Variants in GRB10 observed in about 807,000 individuals in gnomAD.
GRB10 encodes growth factor receptor-bound protein 10.
GRB10 carries 20 observed loss-of-function variants against 80.9 expected under a neutral mutation model. The ratio of observed to expected loss-of-function variants is 0.25; its 90% confidence interval spans 0.17 to 0.36. GRB10 has a LOEUF of 0.36. GRB10 is among the 10% of genes least tolerant of loss of function. The pLI, the probability that GRB10 is intolerant of heterozygous loss-of-function variation, is 1.00. For missense variants in GRB10, 548 were observed against 747.7 expected (o/e 0.73, Z 3.12); for synonymous variants, 291 against 291.5 (o/e 1.00, Z 0.02).
At position 50,614,667 on chromosome 7, in the gene GRB10, G is replaced by A. The variant is rs190818833; in HGVS notation, c.1095+103C>T. 3.5e-3 allele frequency: 2,828 copies of A among 804,270 alleles called. 69 individuals are homozygous for A. The highest frequency in any genetic ancestry group is 8.8e-4 in the Non-Finnish European group (395 of 448,650). The allele number at this position is 804,270 out of a possible 1,614,324, so 49.8% of individuals were successfully genotyped here. On this transcript the variant is annotated intron_variant, in intron 12 of 18. Transcript: ENST00000401949. The stretch of plus-strand genomic sequence containing the variant: ...AAATCCAGTGTGAAACTATGTTTCT[G>A]TTGAAGACAATAGAAGCAACAATCA...
intron 4 of GRB10, among the ~76,000 whole-genome samples, chr7:50,716,790 G>A (rs950358334): frequency 6.6e-6 from 1 of 152,212 alleles, no homozygotes; most frequent in Non-Finnish European, 1.5e-5. Flanking sequence ...CTCGCCCAAC[G>A]GCTGGCGTGG....
intron 3 of GRB10, among the ~76,000 whole-genome samples, chr7:50,734,465 C>T (rs77674927): frequency 6.6e-6 from 1 of 151,680 alleles, no homozygotes. Context: ...CCACACCCCC[C>T]ACGCACGCCG....
chr7:50,704,409 A>C (rs1462834380), intron 4 of GRB10, among the ~76,000 whole-genome samples: 1 of 152,208 alleles, frequency 6.6e-6, no homozygotes, highest in Non-Finnish European at 1.5e-5. Flanking sequence ...GCAAAATGTA[A>C]AACAGCAATA....
intron 4 of GRB10, among the ~76,000 whole-genome samples, chr7:50,718,099 G>A (rs1454561411): frequency 6.6e-6 from 1 of 152,222 alleles, no homozygotes; most frequent in Non-Finnish European, 1.5e-5. Flanking sequence ...ACAAAGAGGG[G>A]ACAGGGGATT....
intron 7 of GRB10, among the ~76,000 whole-genome samples, chr7:50,651,864 C>T (rs35275087): frequency 0.014 from 2,201 of 152,366 alleles, 31 homozygotes; most frequent in Non-Finnish European, 0.021. Flanking sequence ...AGAAGGTAAT[C>T]TGTCAGCATT....
intron 4 of GRB10, among the ~76,000 whole-genome samples, chr7:50,713,786 T>C (rs1174813856): frequency 6.8e-5 from 9 of 132,848 alleles, no homozygotes; most frequent in Non-Finnish European, 1.1e-4. Context: ...ACCTCCTCCA[T>C]CTCCTCTACC....
At chr7:50,664,719 G>A (rs1030637951) in intron 7 of GRB10, among the ~76,000 whole-genome samples, 2 of 152,128 alleles carry the variant, frequency 1.3e-5, no homozygotes, top group African/African-American at 4.8e-5. Context: ...GAGACCCAGT[G>A]GCACCAACTA....
intron 17 of GRB10, among the ~76,000 whole-genome samples, chr7:50,602,936 A>G (rs1170764169): frequency 6.6e-6 from 1 of 152,120 alleles, no homozygotes; most frequent in Non-Finnish European, 1.5e-5. Flanking sequence ...GGGAAAAGAG[A>G]GATGAAGAGG....
chr7:50,746,803 G>C (rs2072995396), intron 3 of GRB10, among the ~76,000 whole-genome samples: 1 of 152,030 alleles, frequency 6.6e-6, no homozygotes, highest in African/African-American at 2.4e-5. Flanking sequence ...CGGGCCTCCA[G>C]TCCCCAGGGC....
chr7:50,769,886 G>A (rs1415342879), intron 2 of GRB10, among the ~76,000 whole-genome samples: 3 of 152,004 alleles, frequency 2.0e-5, no homozygotes, highest in Non-Finnish European at 4.4e-5. Context: ...GTGGATGATC[G>A]AATGACGTTG....
intron 7 of GRB10, among the ~76,000 whole-genome samples, chr7:50,668,025 G>T (rs2059985847): frequency 6.6e-6 from 1 of 152,212 alleles, no homozygotes; most frequent in African/African-American, 2.4e-5. Flanking sequence ...GAAGCAGAAG[G>T]TCACCAGCGA....
chr7:50,698,127 C>A (rs1266879150), intron 5 of GRB10, among the ~76,000 whole-genome samples: 1 of 152,122 alleles, frequency 6.6e-6, no homozygotes, highest in Non-Finnish European at 1.5e-5. Context: ...ATGTTCTTTG[C>A]CAGTTTTTCT....
intron 1 of GRB10, among the ~76,000 whole-genome samples, chr7:50,791,419 T>C (rs2153717693): frequency 6.6e-6 from 1 of 152,180 alleles, no homozygotes; most frequent in Non-Finnish European, 1.5e-5. Context: ...CTTTCAGAAG[T>C]GGATGTACTT....
At chr7:50,661,136 G>A (rs746127960) in intron 7 of GRB10, among the ~76,000 whole-genome samples, 6 of 152,228 alleles carry the variant, frequency 3.9e-5, no homozygotes, top group Non-Finnish European at 7.3e-5. Context: ...CATTCTCTCC[G>A]TGCAATACAT....
rs527463832 is a variant in GRB10 at position 50,782,804 on chromosome 7, G to A, written c.-707C>T. 3 of 152,206 alleles carry A rather than the reference G, an allele frequency of 2.0e-5. No homozygotes were observed. The highest frequency in any genetic ancestry group is 2.9e-5 in the Non-Finnish European group (2 of 67,988). The allele number at this position is 152,206 out of a possible 1,614,324, so 9.4% of individuals were successfully genotyped here. A position where few individuals can be genotyped will look rare whatever the true frequency, so the allele number is the denominator to read the frequency against. ...CCCTCCGCGGAGCCGGCTGCCGCCC[G>A]GCTGCAATACTCAGCCTCCGAGGGA... is the stretch of plus-strand genomic sequence containing the variant. On this transcript the variant is annotated 5_prime_UTR_variant, in exon 1 of 19. Transcript: ENST00000401949. This position sits in a 1 kb window ranked among gnomAD's most constrained non-coding sequence, Gnocchi z 6.6.
In GRB10 at chr7:50,770,076, A is replaced by T. The variant is rs536664987; in HGVS notation, c.-217+10551T>A. Among the ~76,000 whole-genome samples the T allele has an allele frequency of 1.8e-3, 281 of 152,256 alleles. 1 individual carries two copies. The highest frequency in any genetic ancestry group is 3.4e-3 in the Middle Eastern group (1 of 294). On this transcript the variant is annotated intron_variant, in intron 2 of 18. Coordinates refer to ENST00000401949, the MANE Select transcript of GRB10 (RefSeq NM_001350814.2). The stretch of plus-strand genomic sequence containing the variant: ...TTGTGCATCACAGCCCCCACACTCA[A>T]GCTGTGCCAAGCTTCCCAAGAGTCC...
At chr7:50,658,933 C>A (rs1438563324) in intron 7 of GRB10, among the ~76,000 whole-genome samples, 6 of 152,182 alleles carry the variant, frequency 3.9e-5, no homozygotes, top group African/African-American at 1.4e-4. Context: ...GCAGGGGCTG[C>A]GGTCCCTAGA....
In GRB10 at chr7:50,616,217, GTT is replaced by G; in HGVS notation, c.975_976del (p.Thr326PhefsTer46). The G allele has an allele frequency of 6.2e-7, 1 of 1,614,206 alleles. No homozygotes were observed. The highest frequency in any genetic ancestry group is 8.5e-7 in the Non-Finnish European group (1 of 1,180,038). On this transcript the variant is annotated frameshift_variant, in exon 11 of 19. Coordinates refer to ENST00000401949, the MANE Select transcript of GRB10 (RefSeq NM_001350814.2). LOFTEE classifies it high-confidence loss of function. ...GTAGCTTTTAAAGCTCACCTTTGAAGTTCCCTTGGTGGAGCAATAAAGGCCAG... is the reference window on the plus strand; with the variant it reads ...GTAGCTTTTAAAGCTCACCTTTGAAGCCCTTGGTGGAGCAATAAAGGCCAG...
intron 5 of GRB10, among the ~76,000 whole-genome samples, chr7:50,692,144 T>C (rs1380302708): frequency 6.6e-6 from 1 of 152,198 alleles, no homozygotes; most frequent in Non-Finnish European, 1.5e-5. Context: ...TTAAGTATTA[T>C]AAGTAATCTA....
Sources: gnomAD v4.1 joint callset for allele counts (sites outside exome capture counted in the v4.1 genomes callset) on GRCh38, gnomAD v4.1.1 for gene constraint, Gnocchi (gnomAD v3.1) non-coding constraint, MANE v1.5 for transcripts, NCBI Gene and HGNC (gene_info 2026-07-23, HGNC 2026-07-21) for gene names.